Variants in NEK1 observed in about 807,000 individuals in gnomAD.
NEK1 encodes the protein serine/threonine-protein kinase Nek1.
Under a neutral mutation model 182.1 loss-of-function variants are expected in NEK1, and 137 were observed. The observed-to-expected ratio is 0.75, with a 90% CI of 0.65 to 0.87. The LOEUF is 0.87. Among genes scored for constraint, NEK1 ranks in the 40% least tolerant of loss-of-function variants. The probability of loss-of-function intolerance (pLI) is 0.00; values close to 1 mark genes in which losing one functional copy is unlikely to be tolerated. For missense variants in NEK1, 1,391 were observed against 1,494.4 expected (o/e 0.93, Z 1.14); for synonymous variants, 513 against 492.2 (o/e 1.04, Z -0.56).
At chr4:169,395,018 T>C (rs542232695) in intron 35 of NEK1, among the ~76,000 whole-genome samples, 3 of 152,348 alleles carry the variant, frequency 2.0e-5, no homozygotes, top group Non-Finnish European at 4.4e-5. Flanking sequence ...GGATATATTC[T>C]ATGTTGACTT....
rs1747124266 is a variant in NEK1, at chr4:169,477,222, T to A, written c.2336A>T (p.Lys779Ile). The stretch of plus-strand genomic sequence containing the variant: ...CTTCTTGCGATCAGATGAAACTGAT[T>A]TTTCTTTTTCATGCTCTTTGGCATC... ...HEDAKEHEKE[K>I]SVSSDRKKWE... Residue 779 changes from lysine (K) to isoleucine (I), a missense_variant, in exon 26 of 36, where the codon AAA (lysine) becomes ATA (isoleucine). This residue lies in a region of NEK1 where 1,216 missense variants were observed against 1,277.6 expected (regional missense o/e 0.95). Transcript: ENST00000507142. The A allele has an allele frequency of 6.2e-7, 1 of 1,605,948 alleles. No individual in the cohort carries two copies. Among genetic ancestry groups the A allele is most frequent in the African/African-American group, 1.3e-5 (1 of 74,780 alleles).
chr4:169,443,820 T>C lies in NEK1; in HGVS notation c.2588-5561A>G, dbSNP rs188399689. 2.9e-3 allele frequency among the ~76,000 whole-genome samples: 444 copies of C among 152,250 alleles called. 3 individuals are homozygous for C. The highest frequency in any genetic ancestry group is 0.01 in the African/African-American group (423 of 41,558). On this transcript the variant is annotated intron_variant, in intron 27 of 35. Transcript: ENST00000507142. ...AAGGGCACCCCCAACAGACTAACAA[T>C]GGCTTTCTCAGCAGAAAACTTATAA...
chr4:169,526,079 A>C (rs1756854140), intron 19 of NEK1, among the ~76,000 whole-genome samples: 2 of 152,158 alleles, frequency 1.3e-5, no homozygotes, highest in East Asian at 3.8e-4. Flanking sequence ...ACACATACAC[A>C]CGAAACCACC....
At chr4:169,584,109 A>G (rs2150065986) in intron 10 of NEK1, among the ~76,000 whole-genome samples, 1 of 152,362 alleles carries the variant, frequency 6.6e-6, no homozygotes, top group Non-Finnish European at 1.5e-5. Flanking sequence ...TCAAATTTTT[A>G]TGAATAACTT....
chr4:169,457,841 G>A (rs1477588567), intron 27 of NEK1, among the ~76,000 whole-genome samples: 3 of 151,372 alleles, frequency 2.0e-5, no homozygotes, highest in Non-Finnish European at 4.4e-5. Flanking sequence ...AACTGACAGG[G>A]GAAAAAAAGA....
chr4:169,417,888 T>C (rs1579435479), intron 31 of NEK1, among the ~76,000 whole-genome samples: 1 of 152,292 alleles, frequency 6.6e-6, no homozygotes, highest in African/African-American at 2.4e-5. Flanking sequence ...GGGTGCAGCC[T>C]TGCTAGACTG....
At chr4:169,487,629 T>C (rs1419269452) in intron 23 of NEK1, among the ~76,000 whole-genome samples, 1 of 152,234 alleles carries the variant, frequency 6.6e-6, no homozygotes, top group Non-Finnish European at 1.5e-5. Context: ...AACATACGCA[T>C]GCATGTATCT....
At position 169,514,919 on chromosome 4, in the gene NEK1, G is replaced by A. The variant is rs78459282; in HGVS notation, c.1666-6067C>T. ...GCTCTTTTTTTTCCTAGTATTTTGA[G>A]TTAGGAATTTACAGTGATTTGAGAC... is the stretch of plus-strand genomic sequence containing the variant. On this transcript the variant is annotated intron_variant, in intron 19 of 35. Coordinates refer to ENST00000507142, the MANE Select transcript of NEK1 (RefSeq NM_001199397.3). Among the ~76,000 whole-genome samples the A allele has an allele frequency of 8.7e-3, 1,315 of 151,860 alleles. 28 individuals carry two copies. The highest frequency in any genetic ancestry group is 0.065 in the South Asian group (315 of 4,810).
At chr4:169,611,347 T>C (rs1236098365) in intron 2 of NEK1, among the ~76,000 whole-genome samples, 1 of 152,158 alleles carries the variant, frequency 6.6e-6, no homozygotes, top group South Asian at 2.1e-4. Context: ...AACAGATCTG[T>C]AGAACCTCTA....
chr4:169,570,492 C>T lies in NEK1; in HGVS notation c.1020+6436G>A, dbSNP rs7434723. 3.3e-3 allele frequency among the ~76,000 whole-genome samples: 494 copies of T among 151,414 alleles called. 9 individuals are homozygous for T. In the South Asian group the frequency reaches 0.037, roughly 11 times the overall value. ...CCCCCCGCCCGGCCAGCCGCCCCGT[C>T]CGGAAGGGAGGTGGGGGGGTCAGCC... On this transcript the variant is annotated intron_variant, in intron 12 of 35. Transcript: ENST00000507142.
chr4:169,556,534 AT>A (rs1399246432), intron 16 of NEK1, among the ~76,000 whole-genome samples: 1 of 152,138 alleles, frequency 6.6e-6, no homozygotes, highest in East Asian at 1.9e-4. Flanking sequence ...AAATCTTTAA[AT>A]TCACCAAGCA....
chr4:169,561,934 T>C, intron 13 of NEK1, 43 bp from the exon 14 acceptor site: 1 of 1,522,800 alleles, frequency 6.6e-7, no homozygotes, highest in Non-Finnish European at 8.9e-7. Context: ...ATAATTCCTG[T>C]TTTTTCTAGT....
chr4:169,479,940 G>T (rs17627342), intron 23 of NEK1, among the ~76,000 whole-genome samples: 1 of 152,082 alleles, frequency 6.6e-6, no homozygotes, highest in Non-Finnish European at 1.5e-5. Flanking sequence ...CTCAACATAA[G>T]AGCCCTCATA....
intron 31 of NEK1, among the ~76,000 whole-genome samples, 170 bp downstream of exon 31, chr4:169,424,383 C>T (rs1736000680): frequency 6.6e-6 from 1 of 152,094 alleles, no homozygotes; most frequent in South Asian, 2.1e-4. Flanking sequence ...AGTCTTTATC[C>T]TAGTTGTACT....
At position 169,599,122 on chromosome 4, in the gene NEK1, C is replaced by T. The variant is rs1470493004; in HGVS notation, c.290G>A (p.Gly97Asp). The change falls in exon 5 of 36, where the codon GGC becomes GAC. Residue 97 changes from glycine to aspartate, a missense_variant. By Grantham distance (94) the Gly-to-Asp change is moderately conservative. Around this residue, in one of 5 missense-constraint regions of NEK1, gnomAD observed 116 missense variants for 114.5 expected, o/e 1.01. Transcript: ENST00000507142. ...DLFKRINAQK[G>D]VLFQEDQILD... ...TACCTGATCCTCTTGAAACAAAACG[C>T]CTTTCTGAGCATTTATTCGCTTAAA... 1 of 1,613,154 alleles carries T rather than the reference C, an allele frequency of 6.2e-7. No homozygotes were observed. Among genetic ancestry groups the T allele is most frequent in the Non-Finnish European group, 8.5e-7 (1 of 1,179,628 alleles).
At position 169,551,476 on chromosome 4, in the gene NEK1, G is replaced by C. The variant is rs564895787; in HGVS notation, c.1562+4244C>G. ...GATTACAAACAACTGGTTATACTAG[G>C]GGATTTGTTAGATAAATCATAGCAC... is the stretch of plus-strand genomic sequence containing the variant. On this transcript the variant is annotated intron_variant, in intron 18 of 35. Transcript: ENST00000507142. Among the ~76,000 whole-genome samples, 4 of 152,178 alleles carry C rather than the reference G, an allele frequency of 2.6e-5. No homozygotes were observed. In the South Asian group the frequency reaches 8.3e-4, roughly 32 times the overall value.
At chr4:169,510,704 G>T (rs752699765) in intron 19 of NEK1, among the ~76,000 whole-genome samples, 5 of 152,158 alleles carry the variant, frequency 3.3e-5, no homozygotes, top group Non-Finnish European at 7.3e-5. Flanking sequence ...TTGAATGGCA[G>T]GTAAAGCCAT....
In NEK1 at chr4:169,498,189, C is replaced by T. The variant is rs543338767; in HGVS notation, c.2007+8848G>A. ...CCTTCTTTGTCTCTTTTGATCTTTG[C>T]TGGTTTAAAGTCTTTTATCAGAGAC... On this transcript the variant is annotated intron_variant, in intron 23 of 35. Transcript: ENST00000507142. Among the ~76,000 whole-genome samples the T allele has an allele frequency of 8.5e-4, 129 of 152,172 alleles. 3 individuals carry two copies. The South Asian group carries it at 0.024, about 29-fold the overall frequency.
intron 10 of NEK1, among the ~76,000 whole-genome samples, chr4:169,583,642 G>C (rs1293396256): frequency 6.6e-6 from 1 of 152,140 alleles, no homozygotes; most frequent in East Asian, 1.9e-4. Flanking sequence ...CCAACTCCTG[G>C]TATAGGGAGA....
Sources: allele counts gnomAD v4.1 joint callset (sites outside exome capture counted in the v4.1 genomes callset), GRCh38; gene constraint gnomAD v4.1.1; regional missense constraint gnomAD v4.1.1; transcripts MANE v1.5; gene names NCBI Gene and HGNC (gene_info 2026-07-23, HGNC 2026-07-21).